The following ATP6V1A variants were observed in gnomAD, a reference collection of about 807,000 sequenced individuals.
ATP6V1A encodes the protein ATPase H+ transporting V1 subunit A.
ATP6V1A carries 18 observed loss-of-function variants against 70.1 expected under a neutral mutation model. That is an observed-to-expected ratio of 0.26 (90% CI 0.18 to 0.38). The LOEUF (loss-of-function observed/expected upper bound fraction) is 0.38, where lower values mean the gene tolerates loss of function less well. Among genes scored for constraint, ATP6V1A ranks in the 10% least tolerant of loss-of-function variants. The probability of loss-of-function intolerance (pLI) is 1.00; values close to 1 mark genes in which losing one functional copy is unlikely to be tolerated. For synonymous variants in ATP6V1A, 232 were observed against 253.8 expected (o/e 0.91, Z 0.82); for missense variants, 424 against 772.4 (o/e 0.55, Z 5.35).
intron 1 of ATP6V1A, among the ~76,000 whole-genome samples, chr3:113,754,759 A>G (rs975040276): frequency 6.6e-6 from 1 of 152,186 alleles, no homozygotes; most frequent in African/African-American, 2.4e-5. Flanking sequence ...TTGGCATATA[A>G]ACTGGATTAC....
chr3:113,798,203 G>A (rs1462670952), intron 11 of ATP6V1A, 40 bp from the exon 12 acceptor site: 3 of 1,596,096 alleles, frequency 1.9e-6, no homozygotes, highest in Non-Finnish European at 2.6e-6. Context: ...TGTTTTTTGA[G>A]AAAAATTACT....
chr3:113,795,175 A>G lies in ATP6V1A; in HGVS notation c.1197A>G (p.Glu399=). 1.2e-6 allele frequency: 2 copies of G among 1,614,154 alleles called. No homozygotes were observed. The highest frequency in any genetic ancestry group is 1.7e-6 in the Non-Finnish European group (2 of 1,180,006). ...GGGTGAAATGTCTTGGAAATCCTGAAAGAGAAGGGAGTGTCAGCATTGTAG... is the reference window on the plus strand; with the variant it reads ...GGGTGAAATGTCTTGGAAATCCTGAGAGAGAAGGGAGTGTCAGCATTGTAG... ...AGRVKCLGNP[E]REGSVSIVGA... is the part of the protein sequence containing the mutation. Residue 399 remains glutamate (E), a synonymous_variant, in exon 10 of 15, where the codon GAA becomes GAG. Transcript: ENST00000273398.
chr3:113,789,686 GT>G (rs972482905), intron 7 of ATP6V1A, 45 bp from the exon 8 acceptor site: 3 of 1,403,992 alleles, frequency 2.1e-6, no homozygotes, highest in Non-Finnish European at 3.0e-6. Context: ...GGGCTAAAAT[GT>G]TACCTTAGAA....
Position 113,794,445 on chromosome 3 carries a change from A to G in ATP6V1A, c.989-427A>G, listed in dbSNP as rs146393633. 5.3e-3 allele frequency among the ~76,000 whole-genome samples: 813 copies of G among 152,310 alleles called. 15 individuals carry two copies. Among genetic ancestry groups the G allele is most frequent in the Admixed American group, 0.034 (515 of 15,298 alleles). On this transcript the variant is annotated intron_variant, in intron 8 of 14. Transcript: ENST00000273398. ...ATAATTCCAAATATATATTTGCTCA[A>G]TATAATAGATGTTTATTTCAAGTGT...
At chr3:113,785,354 C>T (rs1360472069) in intron 5 of ATP6V1A, among the ~76,000 whole-genome samples, 3 of 152,140 alleles carry the variant, frequency 2.0e-5, no homozygotes, top group African/African-American at 2.4e-5. Flanking sequence ...GCAGGAGAAT[C>T]GCCTGAACCT....
chr3:113,760,516 C>T (rs1405901315), intron 1 of ATP6V1A, among the ~76,000 whole-genome samples: 2 of 151,814 alleles, frequency 1.3e-5, no homozygotes, highest in African/African-American at 4.8e-5. Context: ...ATCACAAAAT[C>T]AAGAGATCGA....
chr3:113,765,151 T>G (rs2108015188), intron 1 of ATP6V1A, among the ~76,000 whole-genome samples: 1 of 152,320 alleles, frequency 6.6e-6, no homozygotes, highest in African/African-American at 2.4e-5. Context: ...GGCATTAATA[T>G]TCTGATTATC....
chr3:113,747,109 A>C lies in ATP6V1A; in HGVS notation c.-18A>C, dbSNP rs1251403645. The C allele has an allele frequency of 7.0e-6, 1 of 143,748 alleles. No individual in the cohort carries two copies. The highest frequency in any genetic ancestry group is 1.5e-5 in the Non-Finnish European group (1 of 67,476). The allele number at this position is 143,748 out of a possible 1,614,324, so 8.9% of individuals were successfully genotyped here. On this transcript the variant is annotated 5_prime_UTR_variant, in exon 1 of 15. Coordinates refer to ENST00000273398, the MANE Select transcript of ATP6V1A (RefSeq NM_001690.4). ...GTACAGTCTCTGCACCTCGCGCCCC[A>C]GCAGGTGAGCGGCGACCGGTAACTG...
At chr3:113,771,667 G>A (rs1195654285) in intron 1 of ATP6V1A, among the ~76,000 whole-genome samples, 1 of 152,020 alleles carries the variant, frequency 6.6e-6, no homozygotes, top group Non-Finnish European at 1.5e-5. Flanking sequence ...TCGATCTCCT[G>A]ACCTCATGAT....
Position 113,809,383 on chromosome 3 carries a change from C to A in ATP6V1A, c.1810C>A (p.Leu604Ile). 1 of 1,613,916 alleles carries A rather than the reference C, an allele frequency of 6.2e-7. No homozygotes were observed. The highest frequency in any genetic ancestry group is 8.5e-7 in the Non-Finnish European group (1 of 1,179,852). ...AAAGATCAAAAGCGACTATGCACAA[C>A]TTCTTGAAGACATGCAGAATGCATT... ...EAKIKSDYAQ[L>I]LEDMQNAFRS... The change falls in exon 15 of 15, where the codon CTT becomes ATT. Residue 604 changes from leucine (L) to isoleucine (I), a missense_variant. By Grantham distance (5) the Leu-to-Ile change is conservative. Around this residue, in one of 9 missense-constraint regions of ATP6V1A, gnomAD observed 127 missense variants for 207.9 expected, o/e 0.61. Transcript: ENST00000273398.
At chr3:113,764,439 C>A (rs777337396) in intron 1 of ATP6V1A, among the ~76,000 whole-genome samples, 1 of 151,884 alleles carries the variant, frequency 6.6e-6, no homozygotes, top group Non-Finnish European at 1.5e-5. Context: ...GTATTGATTA[C>A]AATTATGTAA....
chr3:113,749,341 C>G (rs1340937682), intron 1 of ATP6V1A, among the ~76,000 whole-genome samples: 1 of 151,258 alleles, frequency 6.6e-6, no homozygotes, highest in South Asian at 2.1e-4. Flanking sequence ...TGAGACTAGC[C>G]TTATCAGTTT....
At chr3:113,783,312 AT>A (rs1206429407) in intron 3 of ATP6V1A, among the ~76,000 whole-genome samples, 1 of 152,244 alleles carries the variant, frequency 6.6e-6, no homozygotes, top group Non-Finnish European at 1.5e-5. Flanking sequence ...CCCATTTTGA[AT>A]TTTGATAAAT....
chr3:113,794,765 C>A, intron 8 of ATP6V1A, 107 bp from the exon 9 acceptor site: 1 of 1,276,394 alleles, frequency 7.8e-7, no homozygotes, highest in Non-Finnish European at 1.1e-6. Context: ...GAGCCACTAG[C>A]AGTCTACGTT....
chr3:113,811,024 A>G lies in ATP6V1A; in HGVS notation c.*1597A>G, dbSNP rs1709336212. The G allele has an allele frequency of 6.6e-6, 1 of 152,216 alleles. No individual in the cohort carries two copies. The highest frequency in any genetic ancestry group is 2.1e-4 in the South Asian group (1 of 4,832). The allele number at this position is 152,216 out of a possible 1,614,324, so 9.4% of individuals were successfully genotyped here. A position where few individuals can be genotyped will look rare whatever the true frequency, so the allele number is the denominator to read the frequency against. On this transcript the variant is annotated 3_prime_UTR_variant, in exon 15 of 15. Coordinates refer to ENST00000273398, the MANE Select transcript of ATP6V1A (RefSeq NM_001690.4). Reference sequence around the variant, plus strand: ...ATCCGTCTTTTAAGTATATGTTTAAAATAATAATTTATGTGTCTGCATATT... The same window carrying G: ...ATCCGTCTTTTAAGTATATGTTTAAGATAATAATTTATGTGTCTGCATATT...
intron 7 of ATP6V1A, 92 bp from the exon 8 acceptor site, chr3:113,789,640 T>C (rs1709071111): frequency 6.7e-6 from 6 of 890,238 alleles, no homozygotes; most frequent in Non-Finnish European, 1.0e-5. Context: ...GCATTAAATA[T>C]GGGCAAAAGT....
intron 1 of ATP6V1A, among the ~76,000 whole-genome samples, chr3:113,748,848 G>T (rs945141126): frequency 6.6e-6 from 1 of 152,134 alleles, no homozygotes; most frequent in Non-Finnish European, 1.5e-5. Flanking sequence ...ATGTCATCAT[G>T]CCTGCTGTAG....
At chr3:113,766,319 A>C in intron 1 of ATP6V1A, among the ~76,000 whole-genome samples, 1 of 151,754 alleles carries the variant, frequency 6.6e-6, no homozygotes, top group Non-Finnish European at 1.5e-5. Flanking sequence ...TTCCCTTGAG[A>C]CAGTCTCGCT....
chr3:113,751,874 C>A (rs1425306910), intron 1 of ATP6V1A, among the ~76,000 whole-genome samples: 1 of 151,648 alleles, frequency 6.6e-6, no homozygotes, highest in Non-Finnish European at 1.5e-5. Flanking sequence ...CTGTATATTT[C>A]TTTGTAGTTA....
Sources: allele counts gnomAD v4.1 joint callset (sites outside exome capture counted in the v4.1 genomes callset), GRCh38; gene constraint gnomAD v4.1.1; regional missense constraint gnomAD v4.1.1; transcripts MANE v1.5; gene names NCBI Gene and HGNC (gene_info 2026-07-23, HGNC 2026-07-21).